Variants in CCDC18 observed in about 807,000 individuals in gnomAD.
CCDC18 encodes coiled-coil domain containing 18, also known as coiled-coil domain-containing protein 18.
Under a neutral mutation model 196.0 loss-of-function variants are expected in CCDC18, and 157 were observed. That is an observed-to-expected ratio of 0.80 (90% CI 0.70 to 0.91). The LOEUF (loss-of-function observed/expected upper bound fraction) is 0.91. Among genes scored for constraint, CCDC18 ranks in the 40% least tolerant of loss-of-function variants. The pLI, the probability that CCDC18 is intolerant of heterozygous loss-of-function variation, is 0.00. For missense variants in CCDC18, 1,465 were observed against 1,611.6 expected, an observed-to-expected ratio of 0.91 and a Z score of 1.56; for synonymous variants, 482 against 529.2, an observed-to-expected ratio of 0.91 and a Z score of 1.22.
intron 25 of CCDC18, among the ~76,000 whole-genome samples, chr1:93,258,387 A>G (rs1663314981): frequency 6.6e-6 from 1 of 152,166 alleles, no homozygotes; most frequent in South Asian, 2.1e-4. Flanking sequence ...TAAAAACACA[A>G]CTGACTCTTG....
Position 93,254,453 on chromosome 1 carries a change from T to C in CCDC18, c.3199-18T>C. On this transcript the variant is annotated intron_variant, in intron 23 of 28. Coordinates refer to ENST00000690025, the MANE Select transcript of CCDC18 (RefSeq NM_001378204.1). ...TTTCATTAATTTTACTGATACTGCT[T>C]ATCTGTTTAAAATTCAGATAGAAAG... 6.5e-7 allele frequency: 1 copy of C among 1,531,956 alleles called. No homozygotes were observed. Among genetic ancestry groups the C allele is most frequent in the Non-Finnish European group, 8.9e-7 (1 of 1,121,774 alleles). The allele number at this position is 1,531,956 out of a possible 1,614,324, so 94.9% of individuals were successfully genotyped here.
intron 26 of CCDC18, among the ~76,000 whole-genome samples, chr1:93,260,786 A>G (rs1316506796): frequency 1.3e-5 from 2 of 151,974 alleles, no homozygotes; most frequent in African/African-American, 4.8e-5. Context: ...ACCACCCAAC[A>G]GGCCCCGATG....
chr1:93,260,344 A>T (rs1434489749), intron 26 of CCDC18, among the ~76,000 whole-genome samples: 3 of 152,242 alleles, frequency 2.0e-5, no homozygotes, highest in Non-Finnish European at 4.4e-5. Flanking sequence ...AGATCGCGCC[A>T]TTGCAGTCAA....
intron 4 of CCDC18, among the ~76,000 whole-genome samples, chr1:93,188,810 G>A (rs185157453): frequency 2.6e-4 from 39 of 152,228 alleles, no homozygotes; most frequent in Non-Finnish European, 5.3e-4. Context: ...TTTGGTTCTG[G>A]AAATTTTTCT....
At chr1:93,189,930 G>A (rs1651430226) in intron 4 of CCDC18, among the ~76,000 whole-genome samples, 2 of 152,134 alleles carry the variant, frequency 1.3e-5, no homozygotes, top group African/African-American at 4.8e-5. Context: ...CAAAGTGCTG[G>A]GATGACAGGA....
intron 3 of CCDC18, among the ~76,000 whole-genome samples, chr1:93,185,195 T>C (rs1396627781): frequency 6.6e-6 from 1 of 151,940 alleles, no homozygotes; most frequent in African/African-American, 2.4e-5. Context: ...TTCTTACCTA[T>C]AGAATTATTA....
intron 6 of CCDC18, among the ~76,000 whole-genome samples, chr1:93,197,510 A>G (rs554371805): frequency 1.1e-3 from 172 of 151,376 alleles, no homozygotes; most frequent in Non-Finnish European, 1.6e-3. Context: ...GAATAAATAT[A>G]TGTGTGTGTG....
At chr1:93,272,780 G>A (rs573425268) in intron 28 of CCDC18, among the ~76,000 whole-genome samples, 1 of 152,322 alleles carries the variant, frequency 6.6e-6, no homozygotes, top group East Asian at 1.9e-4. Context: ...GTGATGTCAA[G>A]GGAGAGTTTT....
chr1:93,249,526 G>A (rs1661954286), intron 23 of CCDC18, among the ~76,000 whole-genome samples: 1 of 152,058 alleles, frequency 6.6e-6, no homozygotes, highest in East Asian at 1.9e-4. Flanking sequence ...ATTCCAGTGT[G>A]GGAAAGGCAG....
chr1:93,267,489 A>T (rs1664687520), intron 27 of CCDC18, among the ~76,000 whole-genome samples: 2 of 152,218 alleles, frequency 1.3e-5, no homozygotes, highest in Non-Finnish European at 1.5e-5. Flanking sequence ...TTAGGAAAAG[A>T]GGAAGTCAAA....
intron 16 of CCDC18, among the ~76,000 whole-genome samples, chr1:93,225,547 C>T (rs1339729071): frequency 7.9e-5 from 12 of 152,090 alleles, no homozygotes; most frequent in Admixed American, 3.9e-4. Context: ...GAGGCCAAGG[C>T]GGGTGGATCA....
At chr1:93,244,922 C>G (rs1661294880) in intron 21 of CCDC18, among the ~76,000 whole-genome samples, 5 of 152,116 alleles carry the variant, frequency 3.3e-5, no homozygotes, top group Admixed American at 3.3e-4. Flanking sequence ...TTGTCCTTCA[C>G]ATTACTTCAG....
rs1026954979 is a variant in CCDC18 at position 93,222,793 on chromosome 1, C to A, written c.2175+857C>A. ...GAGTTGCCCGAAGTTTTGTAACTAA[C>A]TGCTATATATTTAGTATTTTCTCTT... On this transcript the variant is annotated intron_variant, in intron 16 of 28. Transcript: ENST00000690025. 5.3e-5 allele frequency among the ~76,000 whole-genome samples: 8 copies of A among 152,182 alleles called. 1 individual carries two copies. Among genetic ancestry groups the A allele is most frequent in the African/African-American group, 1.9e-4 (8 of 41,456 alleles).
rs144835377 is a variant in CCDC18, at chr1:93,258,950, G to T, written c.3684+65G>T. On this transcript the variant is annotated intron_variant, in intron 26 of 28. Coordinates refer to ENST00000690025, the MANE Select transcript of CCDC18 (RefSeq NM_001378204.1). ...AGTAGGTTGACCTATCTGGACAAAA[G>T]TATGAGTCCAGCTCTTAAGTGTTCA... is the stretch of plus-strand genomic sequence containing the variant. 2.2e-6 allele frequency: 3 copies of T among 1,353,394 alleles called. No individual in the cohort carries two copies. The African/African-American group carries it at 4.4e-5, about 20-fold the overall frequency. The allele number at this position is 1,353,394 out of a possible 1,614,324, so 83.8% of individuals were successfully genotyped here. A position where few individuals can be genotyped will look rare whatever the true frequency, so the allele number is the denominator to read the frequency against.
At chr1:93,249,241 T>C (rs770360188) in intron 23 of CCDC18, among the ~76,000 whole-genome samples, 1 of 152,190 alleles carries the variant, frequency 6.6e-6, no homozygotes, top group Non-Finnish European at 1.5e-5. Context: ...GTTTTTCCAA[T>C]TTGTTGGTAT....
intron 17 of CCDC18, among the ~76,000 whole-genome samples, chr1:93,232,091 C>T (rs1659323376): frequency 6.6e-6 from 1 of 152,136 alleles, no homozygotes; most frequent in Non-Finnish European, 1.5e-5. Flanking sequence ...CACACAGGAA[C>T]AATGACCAGC....
intron 1 of CCDC18, among the ~76,000 whole-genome samples, chr1:93,181,476 T>C (rs1388853489): frequency 6.6e-6 from 1 of 152,166 alleles, no homozygotes; most frequent in Non-Finnish European, 1.5e-5. Flanking sequence ...TAGGTATGCA[T>C]AGTCAGTGAA....
chr1:93,218,179 T>G (rs751137906), intron 14 of CCDC18, among the ~76,000 whole-genome samples: 5 of 152,148 alleles, frequency 3.3e-5, no homozygotes, highest in Non-Finnish European at 7.4e-5. Context: ...AGAAGCACTC[T>G]TGACCTTGGG....
rs369816664 is a variant in CCDC18 at position 93,246,215 on chromosome 1, C to G, written c.3081+11C>G. On this transcript the variant is annotated intron_variant, in intron 22 of 28. Transcript: ENST00000690025. ...CAAAGAGCAGCTCAGGTTGATTTTT[C>G]TTGATTATATTTTAATGGAGTTTTC... 8.3e-6 allele frequency: 13 copies of G among 1,561,978 alleles called. No homozygotes were observed. Among genetic ancestry groups the G allele is most frequent in the Non-Finnish European group, 1.0e-5 (12 of 1,148,068 alleles).
Sources: allele counts gnomAD v4.1 joint callset (sites outside exome capture counted in the v4.1 genomes callset), GRCh38; gene constraint gnomAD v4.1.1; transcripts MANE v1.5; gene names NCBI Gene and HGNC (gene_info 2026-07-23, HGNC 2026-07-21).